Variants in SLC35F4 observed in about 807,000 individuals in gnomAD.
The protein encoded by SLC35F4 is solute carrier family 35 member F4, also known as chromosome 14 open reading frame 36.
A neutral mutation model predicts 44.2 loss-of-function variants in SLC35F4; 24 were observed. The observed-to-expected ratio is 0.54, with a 90% CI of 0.39 to 0.76. The LOEUF is 0.76. Ranked by LOEUF, SLC35F4 falls within the 30% of genes least tolerant of loss-of-function variation. The pLI is 0.00. For missense variants in SLC35F4, 562 were observed against 586.1 expected, an observed-to-expected ratio of 0.96 and a Z score of 0.42; for synonymous variants, 238 against 223.6, an observed-to-expected ratio of 1.06 and a Z score of -0.57.
rs199785589 is a variant in SLC35F4, at chr14:57,578,325, G to GTTTTTTTTTTTTTTTT, written c.807+2873_807+2888dup. 1.4e-3 allele frequency among the ~76,000 whole-genome samples: 59 copies of GTTTTTTTTTTTTTTTT among 43,164 alleles called. 22 individuals are homozygous for GTTTTTTTTTTTTTTTT. Among genetic ancestry groups the GTTTTTTTTTTTTTTTT allele is most frequent in the Non-Finnish European group, 2.0e-3 (44 of 21,764 alleles). The allele number at this position is 43,164 out of a possible 152,430, so 28.3% of individuals were successfully genotyped here. A position where few individuals can be genotyped will look rare whatever the true frequency, so the allele number is the denominator to read the frequency against. ...GATGACTGAAAGCATCCCTTTAACT[G>GTTTTTTTTTTTTTTTT]TTTTTTTTTTTTTTTTTTTTTTTTT... On this transcript the variant is annotated intron_variant, in intron 4 of 7. Coordinates refer to ENST00000556826, the MANE Select transcript of SLC35F4 (RefSeq NM_001306087.2).
intron 1 of SLC35F4, among the ~76,000 whole-genome samples, chr14:57,953,994 G>T (rs1164222315): frequency 6.6e-6 from 1 of 152,074 alleles, no homozygotes; most frequent in African/African-American, 2.4e-5. Flanking sequence ...GAACCACACT[G>T]CACTTATTCT....
chr14:57,738,645 T>C (rs552657622), intron 1 of SLC35F4, among the ~76,000 whole-genome samples: 1 of 151,788 alleles, frequency 6.6e-6, no homozygotes, highest in South Asian at 2.1e-4. Flanking sequence ...TAACTTGCTT[T>C]TATTTCTCAA....
chr14:57,620,865 G>A (rs938296186), intron 1 of SLC35F4, among the ~76,000 whole-genome samples: 16 of 152,220 alleles, frequency 1.1e-4, no homozygotes, highest in African/African-American at 3.6e-4. Context: ...AGGAAAAGAG[G>A]AAGTCAAATT....
chr14:57,605,297 T>A (rs1476392791), intron 1 of SLC35F4, among the ~76,000 whole-genome samples: 1 of 152,036 alleles, frequency 6.6e-6, no homozygotes, highest in Admixed American at 6.6e-5. Flanking sequence ...GAGGAAAGGA[T>A]ATGAACAGAC....
intron 1 of SLC35F4, among the ~76,000 whole-genome samples, chr14:57,639,370 C>T (rs1293542745): frequency 6.6e-6 from 1 of 151,946 alleles, no homozygotes; most frequent in African/African-American, 2.4e-5. Context: ...AAATTAAAAA[C>T]ACAGAAGATT....
chr14:57,618,431 G>A (rs1324619157), intron 1 of SLC35F4, among the ~76,000 whole-genome samples: 1 of 152,162 alleles, frequency 6.6e-6, no homozygotes, highest in Non-Finnish European at 1.5e-5. Context: ...AGAAGCAGAA[G>A]GGGTCGGGGG....
At chr14:57,569,697 G>A (rs985528689) in intron 6 of SLC35F4, 91 bp downstream of exon 6, 2 of 1,334,660 alleles carry the variant, frequency 1.5e-6, no homozygotes, top group African/African-American at 3.0e-5. Context: ...AGAGCACAGA[G>A]TTACCCAAGG....
chr14:57,964,757 G>C (rs1890402764), intron 1 of SLC35F4, among the ~76,000 whole-genome samples: 1 of 151,952 alleles, frequency 6.6e-6, no homozygotes, highest in Non-Finnish European at 1.5e-5. Flanking sequence ...AGAACCACAG[G>C]CACCATGGCA....
chr14:57,965,388 C>G (rs959433285), intron 1 of SLC35F4, among the ~76,000 whole-genome samples: 1 of 152,066 alleles, frequency 6.6e-6, no homozygotes, highest in Non-Finnish European at 1.5e-5. Context: ...ATTGGGCCCA[C>G]CCACCCAGAT....
chr14:57,673,113 A>C (rs557932719), intron 1 of SLC35F4, among the ~76,000 whole-genome samples: 2 of 152,172 alleles, frequency 1.3e-5, no homozygotes, highest in Non-Finnish European at 2.9e-5. Flanking sequence ...GAATTACTAA[A>C]TTATATGAAG....
At chr14:57,570,699 C>G (rs1391973224) in intron 5 of SLC35F4, among the ~76,000 whole-genome samples, 1 of 152,136 alleles carries the variant, frequency 6.6e-6, no homozygotes, top group Non-Finnish European at 1.5e-5. Context: ...TCTCTTCTGC[C>G]TGGAATTATA....
At chr14:57,807,863 A>C (rs1881513865) in intron 1 of SLC35F4, among the ~76,000 whole-genome samples, 1 of 151,934 alleles carries the variant, frequency 6.6e-6, no homozygotes, top group Non-Finnish European at 1.5e-5. Flanking sequence ...GGCTTAATAG[A>C]TTCACAGTTC....
At chr14:57,716,677 T>C (rs1436214110) in intron 1 of SLC35F4, among the ~76,000 whole-genome samples, 1 of 152,228 alleles carries the variant, frequency 6.6e-6, no homozygotes, top group Non-Finnish European at 1.5e-5. Flanking sequence ...TGTGTAATGA[T>C]CAAATTAGGG....
intron 1 of SLC35F4, among the ~76,000 whole-genome samples, chr14:57,707,778 G>A (rs182370217): frequency 2.6e-5 from 4 of 152,284 alleles, no homozygotes; most frequent in African/African-American, 4.8e-5. Context: ...TAGAGATTTT[G>A]AAACTGCCTT....
At chr14:57,771,095 G>C (rs1566838261) in intron 1 of SLC35F4, among the ~76,000 whole-genome samples, 1 of 152,098 alleles carries the variant, frequency 6.6e-6, no homozygotes, top group Non-Finnish European at 1.5e-5. Flanking sequence ...TTTTAGCATA[G>C]ATGAATTCTT....
upstream of SLC35F4, among the ~76,000 whole-genome samples, chr14:57,870,266 C>G (rs183623486): frequency 2.6e-4 from 39 of 151,918 alleles, no homozygotes; most frequent in East Asian, 3.7e-3. Context: ...CTGTCTCTGT[C>G]TTTCTCTTTC....
At chr14:57,675,081 A>G (rs10431700) in intron 1 of SLC35F4, among the ~76,000 whole-genome samples, 67,537 of 151,870 alleles carry the variant, frequency 0.44, 15,333 homozygotes, top group African/African-American at 0.52. Flanking sequence ...TAGAGGCAGC[A>G]AATTCATTTA....
intron 1 of SLC35F4, among the ~76,000 whole-genome samples, chr14:57,819,572 T>G (rs10135518): frequency 0.21 from 31,783 of 150,948 alleles, 4,943 homozygotes; most frequent in African/African-American, 0.44. Context: ...TTGGGGGACC[T>G]AGGCAGGCAG....
chr14:57,925,136 C>A (rs1366193479), intron 1 of SLC35F4, among the ~76,000 whole-genome samples: 1 of 151,978 alleles, frequency 6.6e-6, no homozygotes, highest in African/African-American at 2.4e-5. Flanking sequence ...CCCAGAGAAG[C>A]CATCAGTCTA....
Sources: allele counts gnomAD v4.1 joint callset (sites outside exome capture counted in the v4.1 genomes callset), GRCh38; gene constraint gnomAD v4.1.1; transcripts MANE v1.5; gene names NCBI Gene and HGNC (gene_info 2026-07-23, HGNC 2026-07-21).